The following GULP1 variants were observed in gnomAD, a reference collection of about 807,000 sequenced individuals.
GULP1 encodes GULP PTB domain containing engulfment adaptor 1.
A neutral mutation model predicts 40.9 loss-of-function variants in GULP1; 19 were observed. The ratio of observed to expected loss-of-function variants is 0.46; its 90% CI spans 0.32 to 0.68. The LOEUF (loss-of-function observed/expected upper bound fraction) is 0.68. Ranked by LOEUF, GULP1 falls within the 30% of genes least tolerant of loss-of-function variation. GULP1 has a pLI of 0.03. For synonymous variants in GULP1, 119 were observed against 117.6 expected (o/e 1.01, Z -0.08); for missense variants, 312 against 362.2 (o/e 0.86, Z 1.12).
At chr2:188,375,719 A>G (rs2048207785) in intron 1 of GULP1, among the ~76,000 whole-genome samples, 1 of 152,220 alleles carries the variant, frequency 6.6e-6, no homozygotes. Flanking sequence ...CTAATGTATT[A>G]AAATACTATA....
intron 2 of GULP1, among the ~76,000 whole-genome samples, chr2:188,414,101 C>T (rs1436683723): frequency 1.3e-5 from 2 of 151,452 alleles, no homozygotes; most frequent in Admixed American, 1.3e-4. Context: ...CCTGTAATCC[C>T]AGCTACTCAG....
At chr2:188,462,803 C>T (rs1189035484) in intron 2 of GULP1, among the ~76,000 whole-genome samples, 1 of 151,562 alleles carries the variant, frequency 6.6e-6, no homozygotes, top group Non-Finnish European at 1.5e-5. Flanking sequence ...TTGAGGTTAC[C>T]ATGAAGCTTG....
chr2:188,473,971 A>C (rs2060804228), intron 2 of GULP1, among the ~76,000 whole-genome samples: 1 of 152,148 alleles, frequency 6.6e-6, no homozygotes, highest in African/African-American at 2.4e-5. Flanking sequence ...TCAATGCCCA[A>C]GGGCTCTTCA....
intron 1 of GULP1, among the ~76,000 whole-genome samples, chr2:188,334,146 G>A (rs1015565747): frequency 1.3e-5 from 2 of 152,084 alleles, no homozygotes; most frequent in African/African-American, 4.8e-5. Flanking sequence ...GTTCCCAAAA[G>A]TTTATTGAGG....
intron 4 of GULP1, among the ~76,000 whole-genome samples, chr2:188,515,057 G>A (rs2153219807): frequency 6.6e-6 from 1 of 152,228 alleles, no homozygotes; most frequent in Non-Finnish European, 1.5e-5. Context: ...TTTCTCTGAG[G>A]TAAATACTCA....
chr2:188,494,115 G>A (rs1434785933), intron 4 of GULP1, among the ~76,000 whole-genome samples: 1 of 151,964 alleles, frequency 6.6e-6, no homozygotes, highest in Non-Finnish European at 1.5e-5. Context: ...TGATTGTGGA[G>A]AAAGAGTAGG....
chr2:188,538,357 A>G (rs773777331), intron 6 of GULP1, among the ~76,000 whole-genome samples: 3 of 152,062 alleles, frequency 2.0e-5, no homozygotes, highest in African/African-American at 4.8e-5. Flanking sequence ...CTTGAATTCT[A>G]TTCCCAGAAG....
chr2:188,384,208 A>C (rs1366037863), intron 2 of GULP1: 1 of 152,214 alleles, frequency 6.6e-6, no homozygotes, highest in African/African-American at 2.4e-5. Context: ...GGAAATTTAC[A>C]AGAGAAAGAC....
chr2:188,408,399 CA>C (rs1019306953), intron 2 of GULP1, among the ~76,000 whole-genome samples: 1 of 151,892 alleles, frequency 6.6e-6, no homozygotes, highest in African/African-American at 2.4e-5. Flanking sequence ...GACATTAAGT[CA>C]AAAACTGTAA....
intron 1 of GULP1, among the ~76,000 whole-genome samples, chr2:188,378,463 A>G: frequency 6.6e-6 from 1 of 152,180 alleles, no homozygotes; most frequent in East Asian, 1.9e-4. Context: ...TATTGCTATA[A>G]AGGAATACCT....
intron 2 of GULP1, among the ~76,000 whole-genome samples, chr2:188,425,506 C>A (rs749476620): frequency 6.6e-6 from 1 of 152,058 alleles, no homozygotes; most frequent in Non-Finnish European, 1.5e-5. Context: ...AGTCAGAGTT[C>A]TTTTTTCTTT....
intron 1 of GULP1, among the ~76,000 whole-genome samples, chr2:188,372,861 A>G (rs926424175): frequency 6.6e-6 from 1 of 152,048 alleles, no homozygotes; most frequent in African/African-American, 2.4e-5. Flanking sequence ...ATCTTCAGGT[A>G]TCACAGAGTA....
In GULP1 at chr2:188,336,869, T is replaced by A. The variant is rs541470878; in HGVS notation, c.-172+44703T>A. 2.6e-5 allele frequency among the ~76,000 whole-genome samples: 4 copies of A among 152,322 alleles called. No homozygotes were observed. In the South Asian group the frequency reaches 8.3e-4, roughly 32 times the overall value. On this transcript the variant is annotated intron_variant, in intron 1 of 11. Transcript: ENST00000409830. ...TTGGCAGGTCTAGATCATGGACTTA[T>A]AGTCAATGGTTTCAGGCTGTTTCTC...
At chr2:188,333,927 C>T (rs1207661292) in intron 1 of GULP1, among the ~76,000 whole-genome samples, 2 of 152,190 alleles carry the variant, frequency 1.3e-5, no homozygotes, top group East Asian at 3.9e-4. Context: ...CTGTTTCTGT[C>T]CCACATAGGC....
chr2:188,327,435 C>A (rs1012436794), intron 1 of GULP1, among the ~76,000 whole-genome samples: 2 of 152,090 alleles, frequency 1.3e-5, no homozygotes, highest in African/African-American at 4.8e-5. Context: ...GTTTACTTTT[C>A]TAATGCTCCT....
At chr2:188,337,496 C>T (rs1353727143) in intron 1 of GULP1, among the ~76,000 whole-genome samples, 2 of 149,856 alleles carry the variant, frequency 1.3e-5, no homozygotes, top group Non-Finnish European at 3.0e-5. Flanking sequence ...TGTCAGTGAG[C>T]TACAAATAGG....
At chr2:188,476,797 A>G (rs2061048395) in intron 2 of GULP1, among the ~76,000 whole-genome samples, 1 of 152,102 alleles carries the variant, frequency 6.6e-6, no homozygotes, top group South Asian at 2.1e-4. Flanking sequence ...TATAGATTAC[A>G]ATGCAGTACC....
At chr2:188,532,381 G>T (rs1687776995) in intron 6 of GULP1, among the ~76,000 whole-genome samples, 2 of 152,216 alleles carry the variant, frequency 1.3e-5, no homozygotes, top group South Asian at 4.1e-4. Context: ...TGCATAAAAT[G>T]CTAATTGCTT....
At chr2:188,340,440 G>A (rs1451311427) in intron 1 of GULP1, among the ~76,000 whole-genome samples, 1 of 152,116 alleles carries the variant, frequency 6.6e-6, no homozygotes, top group African/African-American at 2.4e-5. Flanking sequence ...CAGATGAGTG[G>A]GTGCAGGAGT....
Sources: allele counts gnomAD v4.1 joint callset (sites outside exome capture counted in the v4.1 genomes callset), GRCh38; gene constraint gnomAD v4.1.1; transcripts MANE v1.5; gene names NCBI Gene and HGNC (gene_info 2026-07-23, HGNC 2026-07-21).